AHI1: variants seen among roughly 807,000 people sequenced by gnomAD.
AHI1 encodes the protein Abelson helper integration site 1.
A neutral mutation model predicts 149.3 loss-of-function variants in AHI1; 123 were observed. The observed-to-expected ratio is 0.82, with a 90% CI of 0.71 to 0.96. The LOEUF (loss-of-function observed/expected upper bound fraction) is 0.96, where lower values mean the gene tolerates loss of function less well. Among genes scored for constraint, AHI1 ranks in the 40% least tolerant of loss-of-function variants. AHI1 has a pLI of 0.00. For synonymous variants in AHI1, 475 were observed against 459.8 expected, an observed-to-expected ratio of 1.03 and a Z score of -0.42; for missense variants, 1,439 against 1,422.7, an observed-to-expected ratio of 1.01 and a Z score of -0.18.
At chr6:135,452,078 C>A (rs1486888676) in intron 11 of AHI1, among the ~76,000 whole-genome samples, 1 of 152,132 alleles carries the variant, frequency 6.6e-6, no homozygotes, top group African/African-American at 2.4e-5. Context: ...AATGTCTCAA[C>A]TGGATTTTAA....
At chr6:135,408,111 TG>T (rs1375675016) in intron 21 of AHI1, among the ~76,000 whole-genome samples, 10 of 152,142 alleles carry the variant, frequency 6.6e-5, no homozygotes, top group Admixed American at 4.6e-4. Context: ...TTCATTTATC[TG>T]AGGATGACAG....
intron 13 of AHI1, among the ~76,000 whole-genome samples, chr6:135,446,639 C>T (rs917451525): frequency 5.3e-5 from 8 of 152,202 alleles, no homozygotes; most frequent in African/African-American, 7.2e-5. Context: ...AGGCGGGCTC[C>T]AAGTCAAAAA....
In AHI1 at chr6:135,463,232, T is replaced by A. The variant is rs778231180; in HGVS notation, c.824A>T (p.Asp275Val). The A allele has an allele frequency of 1.2e-6, 2 of 1,610,774 alleles. No homozygotes were observed. Among genetic ancestry groups the A allele is most frequent in the South Asian group, 1.1e-5 (1 of 90,878 alleles). The change falls in exon 8 of 29, where the codon GAT (aspartate) becomes GTT (valine). Residue 275 changes from aspartate (D) to valine (V), a missense_variant. Asp to Val is a radical substitution (Grantham distance 152). Transcript: ENST00000265602. Reference sequence around the variant, plus strand: ...GCTTATTTCATCATCTTGATGAGAATCTGAAGAAACTGATCTAACTGAAGA... The same window carrying A: ...GCTTATTTCATCATCTTGATGAGAAACTGAAGAAACTGATCTAACTGAAGA... ...KESSVRSVSS[D>V]SHQDDEISSM... is the part of the protein sequence containing the mutation.
At chr6:135,431,454 G>T in intron 16 of AHI1, 140 bp from the exon 17 acceptor site, 1 of 466,700 alleles carries the variant, frequency 2.1e-6, no homozygotes, top group Non-Finnish European at 3.7e-6. Context: ...GTTTAAAAAA[G>T]CCAAAAATCA....
chr6:135,401,106 T>C (rs1779967349), intron 22 of AHI1, among the ~76,000 whole-genome samples: 1 of 152,224 alleles, frequency 6.6e-6, no homozygotes, highest in African/African-American at 2.4e-5. Flanking sequence ...TTCTGCTCTT[T>C]GAGCATGCCA....
rs755407014 is a variant in AHI1 at position 135,433,120 on chromosome 6, AT to A, written c.2172del (p.Trp725GlyfsTer5). 1 of 1,613,576 alleles carries A rather than the reference AT, an allele frequency of 6.2e-7. No individual in the cohort carries two copies. The highest frequency in any genetic ancestry group is 8.5e-7 in the Non-Finnish European group (1 of 1,179,706). On this transcript the variant is annotated frameshift_variant, in exon 16 of 29. Transcript: ENST00000265602. LOFTEE classifies it high-confidence loss of function. ...VTGCYDSMIR[I>X]WKVEMREDSA... is the part of the protein sequence containing the mutation. ...GAATCTTCTCTCATCTCAACTTTCC[AT>A]ATCCGTATCATGGAATCATAGCATC...
At chr6:135,290,581 G>A in intron 27 of AHI1, 56 bp from the exon 28 acceptor site, 1 of 1,582,578 alleles carries the variant, frequency 6.3e-7, no homozygotes. Flanking sequence ...TGAGCTAAAA[G>A]CTCAGATGAG....
rs750173862 is a variant in AHI1 at position 135,429,941 on chromosome 6, A to C, written c.2433T>G (p.Asn811Lys). Reference protein sequence around the residue: ...IPISYLEIHPNGKRLLIHTKD... With the variant: ...IPISYLEIHPKGKRLLIHTKD... ...TGGTATGGATTAACAAACGTTTTCC[A>C]TTGGGATGAATCTCCAAATAACTTA... Residue 811 changes from asparagine to lysine, a missense_variant, in exon 18 of 29, where the codon AAT becomes AAG. Coordinates refer to ENST00000265602, the MANE Select transcript of AHI1 (RefSeq NM_001134831.2). The C allele has an allele frequency of 3.1e-6, 5 of 1,591,342 alleles. No homozygotes were observed. The highest frequency in any genetic ancestry group is 4.3e-6 in the Non-Finnish European group (5 of 1,167,308).
intron 20 of AHI1, among the ~76,000 whole-genome samples, chr6:135,423,266 T>C (rs528306196): frequency 2.0e-5 from 3 of 152,198 alleles, no homozygotes; most frequent in Non-Finnish European, 4.4e-5. Flanking sequence ...TCTCAGCATA[T>C]ATTTTTATAA....
intron 25 of AHI1, among the ~76,000 whole-genome samples, chr6:135,322,103 C>G (rs369617776): frequency 6.6e-6 from 1 of 152,074 alleles, no homozygotes; most frequent in Non-Finnish European, 1.5e-5. Flanking sequence ...GTGCCTGGCC[C>G]GCCTATACTA....
intron 23 of AHI1, among the ~76,000 whole-genome samples, chr6:135,377,800 A>C (rs1776171470): frequency 6.6e-6 from 1 of 152,114 alleles, no homozygotes; most frequent in South Asian, 2.1e-4. Flanking sequence ...AAAATGTCTC[A>C]GCATTATTAA....
intron 20 of AHI1, among the ~76,000 whole-genome samples, chr6:135,421,098 T>G (rs1441273203): frequency 6.6e-6 from 1 of 152,110 alleles, no homozygotes; most frequent in African/African-American, 2.4e-5. Flanking sequence ...GTCAGAACAC[T>G]GAAAACATTT....
At chr6:135,359,213 A>T (rs1033191981) in intron 23 of AHI1, among the ~76,000 whole-genome samples, 1 of 152,202 alleles carries the variant, frequency 6.6e-6, no homozygotes, top group Non-Finnish European at 1.5e-5. Context: ...TGTTTCATTA[A>T]TTTTTTGTAA....
intron 5 of AHI1, among the ~76,000 whole-genome samples, chr6:135,478,034 C>T (rs1479255208): frequency 2.0e-5 from 3 of 152,110 alleles, no homozygotes; most frequent in African/African-American, 4.8e-5. Flanking sequence ...CACCTGACCT[C>T]AGGTGATCTG....
At chr6:135,440,650 T>C (rs1363979468) in intron 14 of AHI1, among the ~76,000 whole-genome samples, 2 of 152,110 alleles carry the variant, frequency 1.3e-5, no homozygotes, top group Admixed American at 6.6e-5. Flanking sequence ...ACAGAGTCTC[T>C]TGGCAAAGAC....
intron 23 of AHI1, among the ~76,000 whole-genome samples, chr6:135,370,281 C>A (rs1217201295): frequency 6.6e-6 from 1 of 152,130 alleles, no homozygotes; most frequent in Non-Finnish European, 1.5e-5. Context: ...TATAACTCTC[C>A]CCAAAATGAG....
In AHI1 at chr6:135,343,896, C is replaced by T. The variant is rs545220691; in HGVS notation, c.3165+14236G>A. On this transcript the variant is annotated intron_variant, in intron 24 of 28. Coordinates refer to ENST00000265602, the MANE Select transcript of AHI1 (RefSeq NM_001134831.2). Reference sequence around the variant, plus strand: ...TGACAAAATAAAAAAGTAAACTAAACTTTATCAAAATCTAAAAAATTTTGT... The same window carrying T: ...TGACAAAATAAAAAAGTAAACTAAATTTTATCAAAATCTAAAAAATTTTGT... Among the ~76,000 whole-genome samples the T allele has an allele frequency of 2.0e-5, 3 of 151,982 alleles. No homozygotes were observed. In the East Asian group the frequency reaches 5.8e-4, roughly 29 times the overall value.
chr6:135,354,974 T>C (rs1792732440), intron 24 of AHI1, among the ~76,000 whole-genome samples: 1 of 152,186 alleles, frequency 6.6e-6, no homozygotes, highest in African/African-American at 2.4e-5. Context: ...TGATGTCCAA[T>C]GTCTCTTCTG....
intron 24 of AHI1, among the ~76,000 whole-genome samples, chr6:135,354,515 T>C (rs1792656922): frequency 6.6e-6 from 1 of 152,308 alleles, no homozygotes; most frequent in African/African-American, 2.4e-5. Context: ...TACTTCCTTA[T>C]GCTAGTTGCC....
Sources: allele counts gnomAD v4.1 joint callset (sites outside exome capture counted in the v4.1 genomes callset), GRCh38; gene constraint gnomAD v4.1.1; transcripts MANE v1.5; gene names NCBI Gene and HGNC (gene_info 2026-07-23, HGNC 2026-07-21).